Variants in RIT2 observed in about 807,000 individuals in gnomAD.
RIT2 encodes GTP-binding protein Rit2.
RIT2 carries 24 observed loss-of-function variants against 23.7 expected under a neutral mutation model. The observed-to-expected ratio is 1.01, with a 90% CI of 0.73 to 1.43. The LOEUF (loss-of-function observed/expected upper bound fraction) is 1.43, where lower values mean the gene tolerates loss of function less well. Ranked by LOEUF, RIT2 falls within the 40% of genes most tolerant of loss-of-function variation. The pLI, the probability that RIT2 is intolerant of heterozygous loss-of-function variation, is 0.00. For synonymous variants in RIT2, 107 were observed against 91.1 expected, an observed-to-expected ratio of 1.17 and a Z score of -0.99; for missense variants, 236 against 266.9, an observed-to-expected ratio of 0.88 and a Z score of 0.81.
intron 4 of RIT2, among the ~76,000 whole-genome samples, chr18:42,809,400 T>A (rs1318768337): frequency 1.3e-5 from 2 of 152,060 alleles, no homozygotes; most frequent in Non-Finnish European, 2.9e-5. Flanking sequence ...AGGCTTCAGT[T>A]TGAGCCATGA....
At chr18:42,945,747 C>G (rs1382099211) in intron 3 of RIT2, among the ~76,000 whole-genome samples, 1 of 152,020 alleles carries the variant, frequency 6.6e-6, no homozygotes, top group Non-Finnish European at 1.5e-5. Flanking sequence ...TGCAAGGACG[C>G]ATCATATCTG....
At chr18:42,791,475 C>T (rs956288368) in intron 4 of RIT2, among the ~76,000 whole-genome samples, 1 of 152,100 alleles carries the variant, frequency 6.6e-6, no homozygotes, top group African/African-American at 2.4e-5. Flanking sequence ...TTTGCAAGTA[C>T]CCAAATATTT....
chr18:42,797,286 T>C (rs1407599508), intron 4 of RIT2, among the ~76,000 whole-genome samples: 2 of 152,124 alleles, frequency 1.3e-5, no homozygotes, highest in Admixed American at 1.3e-4. Flanking sequence ...TTGTGAATTG[T>C]AGTACTGAAA....
intron 3 of RIT2, among the ~76,000 whole-genome samples, chr18:42,931,707 G>T (rs1335265001): frequency 6.6e-6 from 1 of 152,040 alleles, no homozygotes; most frequent in South Asian, 2.1e-4. Flanking sequence ...TTTTCCTGCC[G>T]ATAAAACCTA....
intron 2 of RIT2, among the ~76,000 whole-genome samples, chr18:43,026,608 G>T (rs545839282): frequency 6.5e-4 from 91 of 140,358 alleles, no homozygotes; most frequent in African/African-American, 2.3e-3. Context: ...AAGAAAGAAA[G>T]AAAGAAAGAA....
intron 4 of RIT2, among the ~76,000 whole-genome samples, chr18:42,904,886 A>G (rs1399207230): frequency 1.3e-5 from 2 of 152,180 alleles, no homozygotes; most frequent in Non-Finnish European, 2.9e-5. Context: ...TGAAAGTCAA[A>G]ACAGAAGGAA....
chr18:42,996,618 C>A (rs1910990708), intron 2 of RIT2, among the ~76,000 whole-genome samples: 1 of 151,948 alleles, frequency 6.6e-6, no homozygotes, highest in African/African-American at 2.4e-5. Flanking sequence ...ACCCCCCACT[C>A]CTGCCCACCA....
intron 1 of RIT2, among the ~76,000 whole-genome samples, chr18:43,097,358 G>T (rs1913578293): frequency 6.6e-6 from 1 of 151,844 alleles, no homozygotes; most frequent in Admixed American, 6.6e-5. Flanking sequence ...ATACACAGAG[G>T]AGGTTAAATA....
chr18:43,101,236 T>G (rs971337386), intron 1 of RIT2, among the ~76,000 whole-genome samples: 3 of 152,108 alleles, frequency 2.0e-5, no homozygotes, highest in African/African-American at 7.2e-5. Context: ...TGCTAAACCA[T>G]CTGATCAAGT....
intron 4 of RIT2, among the ~76,000 whole-genome samples, chr18:42,921,665 T>C (rs1343694137): frequency 6.6e-6 from 1 of 152,024 alleles, no homozygotes; most frequent in African/African-American, 2.4e-5. Context: ...CCTGAAAAAA[T>C]GTTTCCTGAA....
Position 42,923,758 on chromosome 18 carries a change from T to A in RIT2, c.240A>T (p.Glu80Asp), listed in dbSNP as rs1339861578. Residue 80 changes from glutamate to aspartate, a missense_variant, in exon 4 of 5, where the codon GAA becomes GAT. Coordinates refer to ENST00000326695, the MANE Select transcript of RIT2 (RefSeq NM_002930.4). ...LDILDTAGQA[E>D]FTAMREQYMR... ...TGTACTGCTCCCGCATGGCTGTGAA[T>A]TCTGCCTGCAGGAAAAAAAAAAAAA... 6.3e-7 allele frequency: 1 copy of A among 1,582,206 alleles called. No homozygotes were observed. The highest frequency in any genetic ancestry group is 8.5e-7 in the Non-Finnish European group (1 of 1,170,632).
intron 4 of RIT2, among the ~76,000 whole-genome samples, chr18:42,779,601 C>T (rs553836834): frequency 2.6e-4 from 40 of 152,196 alleles, no homozygotes; most frequent in African/African-American, 9.4e-4. Flanking sequence ...ACTTTTTATA[C>T]TATAATAACA....
chr18:42,825,084 T>C (rs543238252), intron 4 of RIT2, among the ~76,000 whole-genome samples: 2 of 152,064 alleles, frequency 1.3e-5, no homozygotes, highest in East Asian at 3.9e-4. Context: ...ATAAATTTGA[T>C]AATTTGGTCA....
At chr18:43,092,558 A>G (rs1913448705) in intron 1 of RIT2, among the ~76,000 whole-genome samples, 1 of 152,040 alleles carries the variant, frequency 6.6e-6, no homozygotes, top group Non-Finnish European at 1.5e-5. Flanking sequence ...AGATTAACTG[A>G]GGATATTCTA....
intron 4 of RIT2, among the ~76,000 whole-genome samples, chr18:42,887,641 C>G (rs531970523): frequency 1.3e-5 from 2 of 152,216 alleles, no homozygotes; most frequent in East Asian, 1.9e-4. Context: ...GTCATGCAAC[C>G]CAGCAATCAA....
rs533165315 is a variant in RIT2 at position 43,008,127 on chromosome 18, G to C, written c.160+25684C>G. On this transcript the variant is annotated intron_variant, in intron 2 of 4. Coordinates refer to ENST00000326695, the MANE Select transcript of RIT2 (RefSeq NM_002930.4). ...TTTAGCTCCAACTAGAAATTTGTAG[G>C]AATTTCTGAAGGCAGATTAATGCAT... Among the ~76,000 whole-genome samples the C allele has an allele frequency of 2.0e-5, 3 of 151,564 alleles. No homozygotes were observed. The South Asian group carries it at 6.2e-4, about 31-fold the overall frequency.
chr18:42,980,318 TTTAC>T (rs1218842470), intron 2 of RIT2, among the ~76,000 whole-genome samples: 6 of 152,164 alleles, frequency 3.9e-5, no homozygotes, highest in Admixed American at 3.9e-4. Flanking sequence ...TTCAGTACAG[TTTAC>T]TTAGGTCTCT....
At chr18:42,915,397 C>T (rs931006884) in intron 4 of RIT2, among the ~76,000 whole-genome samples, 4 of 152,012 alleles carry the variant, frequency 2.6e-5, no homozygotes, top group African/African-American at 7.2e-5. Flanking sequence ...TTAAAAATTA[C>T]AAAAGGTTAG....
At chr18:43,085,439 A>G (rs1402479551) in intron 1 of RIT2, among the ~76,000 whole-genome samples, 1 of 152,154 alleles carries the variant, frequency 6.6e-6, no homozygotes, top group Non-Finnish European at 1.5e-5. Context: ...ACAATAAAAT[A>G]CTAAAAAGTA....
Sources: gnomAD v4.1 joint callset for allele counts (sites outside exome capture counted in the v4.1 genomes callset) on GRCh38, gnomAD v4.1.1 for gene constraint, MANE v1.5 for transcripts, NCBI Gene and HGNC (gene_info 2026-07-23, HGNC 2026-07-21) for gene names.